Variants in FGF14 observed in about 807,000 individuals in gnomAD.
FGF14 encodes fibroblast growth factor homologous factor 4.
In FGF14, 5 loss-of-function variants were observed where a neutral mutation model predicts 25.5. The observed-to-expected ratio is 0.20, with a 90% CI of 0.10 to 0.41. The LOEUF is 0.41. Among genes scored for constraint, FGF14 ranks in the 10% least tolerant of loss-of-function variants. FGF14 has a pLI of 1.00. For synonymous variants in FGF14, 138 were observed against 118.3 expected (o/e 1.17, Z -1.08); for missense variants, 222 against 320.1 (o/e 0.69, Z 2.34).
At chr13:101,902,347 G>C (rs1286714759) in intron 1 of FGF14, among the ~76,000 whole-genome samples, 1 of 151,784 alleles carries the variant, frequency 6.6e-6, no homozygotes, top group African/African-American at 2.4e-5. Flanking sequence ...GTTCTTTACA[G>C]TGTCCAGAGG....
intron 1 of FGF14, among the ~76,000 whole-genome samples, chr13:102,301,617 C>G (rs987525059): frequency 2.0e-5 from 3 of 152,078 alleles, no homozygotes; most frequent in African/African-American, 7.2e-5. Flanking sequence ...CCCATTCCCT[C>G]TTGAACTTGG....
At chr13:102,193,605 G>A (rs528099776) in intron 1 of FGF14, among the ~76,000 whole-genome samples, 2 of 152,252 alleles carry the variant, frequency 1.3e-5, no homozygotes, top group African/African-American at 4.8e-5. Flanking sequence ...AACTATTCAG[G>A]AAAGACTGGG....
chr13:102,306,349 T>C (rs759709211), intron 1 of FGF14, among the ~76,000 whole-genome samples: 1 of 152,060 alleles, frequency 6.6e-6, no homozygotes, highest in African/African-American at 2.4e-5. Context: ...CAGTGGGAGA[T>C]TCAAGCATAC....
chr13:102,023,420 ATTATTT>A (rs1358892922), intron 1 of FGF14, among the ~76,000 whole-genome samples: 2 of 152,028 alleles, frequency 1.3e-5, no homozygotes, highest in East Asian at 1.9e-4. Context: ...CTCTTAATAA[ATTATTT>A]TTATAACAGT....
At chr13:102,382,250 G>A (rs905901373) in intron 1 of FGF14, among the ~76,000 whole-genome samples, 1 of 152,002 alleles carries the variant, frequency 6.6e-6, no homozygotes, top group Non-Finnish European at 1.5e-5. Flanking sequence ...TAAGAAACTT[G>A]TATCTAGAAT....
At chr13:101,896,882 T>TG (rs774207184) in intron 1 of FGF14, among the ~76,000 whole-genome samples, 5 of 152,144 alleles carry the variant, frequency 3.3e-5, no homozygotes, top group Admixed American at 1.3e-4. Context: ...ATCTATGTTT[T>TG]GGGGTAACTT....
intron 1 of FGF14, among the ~76,000 whole-genome samples, chr13:102,195,809 A>C (rs996211886): frequency 1.4e-4 from 21 of 151,304 alleles, no homozygotes; most frequent in Middle Eastern, 3.4e-3. Flanking sequence ...AAAAAAAAAA[A>C]CTCAAATCAA....
At chr13:101,754,779 C>T (rs2037535117) in intron 3 of FGF14, among the ~76,000 whole-genome samples, 1 of 151,972 alleles carries the variant, frequency 6.6e-6, no homozygotes, top group Non-Finnish European at 1.5e-5. Context: ...TGAACAGTTC[C>T]TGTGATTTCC....
chr13:102,251,111 T>C (rs2052148288), intron 1 of FGF14, among the ~76,000 whole-genome samples: 1 of 152,228 alleles, frequency 6.6e-6, no homozygotes, highest in Admixed American at 6.5e-5. Flanking sequence ...TGTTTCATTA[T>C]AAACATGAAT....
chr13:101,818,799 C>CT (rs1302205732), intron 3 of FGF14, among the ~76,000 whole-genome samples: 1 of 152,084 alleles, frequency 6.6e-6, no homozygotes, highest in Non-Finnish European at 1.5e-5. Context: ...GAACGTGAAC[C>CT]TTTAAAATGG....
intron 1 of FGF14, among the ~76,000 whole-genome samples, chr13:101,931,210 A>G (rs915829226): frequency 6.6e-6 from 1 of 152,106 alleles, no homozygotes; most frequent in Non-Finnish European, 1.5e-5. Flanking sequence ...CGAACCCTGT[A>G]GGTTTTTTCT....
At chr13:102,290,458 T>C (rs1365066087) in intron 1 of FGF14, among the ~76,000 whole-genome samples, 1 of 152,082 alleles carries the variant, frequency 6.6e-6, no homozygotes, top group Non-Finnish European at 1.5e-5. Flanking sequence ...CTAAGACAAA[T>C]GGTAATAAGC....
At chr13:101,822,798 T>C (rs1352337387) in intron 3 of FGF14, among the ~76,000 whole-genome samples, 2 of 152,210 alleles carry the variant, frequency 1.3e-5, no homozygotes, top group East Asian at 3.8e-4. Flanking sequence ...ATAGTCACCA[T>C]ATTGTGATAC....
rs1438868408 is a variant in FGF14, at chr13:102,100,825, C to T, written c.209-225529G>A. Among the ~76,000 whole-genome samples, 3 of 152,270 alleles carry T rather than the reference C, an allele frequency of 2.0e-5. No homozygotes were observed. In the East Asian group the frequency reaches 5.8e-4, roughly 29 times the overall value. On this transcript the variant is annotated intron_variant, in intron 1 of 4. Coordinates refer to the FGF14 transcript ENST00000376131. ...CTTAAAAAGGTAAAGTGAGGCTGGG[C>T]ACGGTGGCTCACGCCTGTAATCCCA...
At chr13:102,136,493 A>G (rs1566731974) in intron 1 of FGF14, among the ~76,000 whole-genome samples, 1 of 152,112 alleles carries the variant, frequency 6.6e-6, no homozygotes, top group Non-Finnish European at 1.5e-5. Flanking sequence ...CAGCTCCAAC[A>G]CACCCACAGC....
intron 3 of FGF14, among the ~76,000 whole-genome samples, chr13:101,752,428 T>A (rs920330218): frequency 2.6e-5 from 4 of 152,162 alleles, no homozygotes; most frequent in African/African-American, 9.7e-5. Context: ...AGAACAGTAA[T>A]CTACATGTAT....
At chr13:101,902,238 T>C (rs1463237282) in intron 1 of FGF14, among the ~76,000 whole-genome samples, 1 of 152,050 alleles carries the variant, frequency 6.6e-6, no homozygotes, top group Non-Finnish European at 1.5e-5. Flanking sequence ...ATTTTAGAGG[T>C]TTATCGCTCC....
At position 101,875,230 on chromosome 13, in the gene FGF14, G is replaced by A. The variant is rs138051469; in HGVS notation, c.260C>T (p.Pro87Leu). 2.3e-5 allele frequency: 37 copies of A among 1,613,264 alleles called. No individual in the cohort carries two copies. Among genetic ancestry groups the A allele is most frequent in the Non-Finnish European group, 3.1e-5 (36 of 1,179,548 alleles). ...CRQGYYLQMHPDGALDGTKDD... is the reference protein window; with the variant it reads ...CRQGYYLQMHLDGALDGTKDD... ...CTTGGTTCCATCGAGAGCTCCATCG[G>A]GGTGCATTTGCAAGTAGTAGCCTTG... The change falls in exon 2 of 5, where the codon CCC (proline) becomes CTC (leucine). Residue 87 changes from proline (P) to leucine (L), a missense_variant. Physicochemically the swap from Pro to Leu is moderately conservative, Grantham distance 98 (BLOSUM62 -3). Coordinates refer to ENST00000376143, the MANE Select transcript of FGF14 (RefSeq NM_004115.4).
At position 101,715,848 on chromosome 13, in the gene FGF14, GA is replaced by G. The variant is rs954673673; in HGVS notation, c.*6982del. ...GCAAATTTAGATGCAAATAACATTA[GA>G]AAAAAAAGATTCTTCCATAATTAAC... On this transcript the variant is annotated 3_prime_UTR_variant, in exon 5 of 5. Coordinates refer to ENST00000376143, the MANE Select transcript of FGF14 (RefSeq NM_004115.4). The G allele has an allele frequency of 4.2e-5, 19 of 453,652 alleles. No homozygotes were observed. The highest frequency in any genetic ancestry group is 1.6e-4 in the African/African-American group (8 of 49,644). The allele number at this position is 453,652 out of a possible 1,614,324, so 28.1% of individuals were successfully genotyped here.
Sources: gnomAD v4.1 joint callset for allele counts (sites outside exome capture counted in the v4.1 genomes callset) on GRCh38, gnomAD v4.1.1 for gene constraint, MANE v1.5 for transcripts, NCBI Gene and HGNC (gene_info 2026-07-23, HGNC 2026-07-21) for gene names.